KCNK2: variants seen among roughly 807,000 people sequenced by gnomAD.
KCNK2 encodes potassium two pore domain channel subfamily K member 2.
A neutral mutation model predicts 40.5 loss-of-function variants in KCNK2; 21 were observed. That is an observed-to-expected ratio of 0.52 (90% confidence interval 0.37 to 0.75). The LOEUF (loss-of-function observed/expected upper bound fraction) is 0.75, where lower values mean the gene tolerates loss of function less well. Among genes scored for constraint, KCNK2 ranks in the 30% least tolerant of loss-of-function variants. The probability of loss-of-function intolerance (pLI) is 0.00; values close to 1 mark genes in which losing one functional copy is unlikely to be tolerated. For missense variants in KCNK2, 399 were observed against 531.6 expected, an observed-to-expected ratio of 0.75 and a Z score of 2.45; for synonymous variants, 191 against 202.2, an observed-to-expected ratio of 0.94 and a Z score of 0.47.
At chr1:215,098,511 G>A (rs1306615375) in intron 2 of KCNK2, among the ~76,000 whole-genome samples, 3 of 151,714 alleles carry the variant, frequency 2.0e-5, no homozygotes, top group African/African-American at 4.8e-5. Context: ...ATTAAACGTC[G>A]AATATATTTC....
At chr1:215,231,588 C>A (rs1448445184) in intron 6 of KCNK2, among the ~76,000 whole-genome samples, 1 of 152,128 alleles carries the variant, frequency 6.6e-6, no homozygotes, top group Non-Finnish European at 1.5e-5. Context: ...CTAAGACACA[C>A]AATGAATATG....
intron 1 of KCNK2, among the ~76,000 whole-genome samples, chr1:215,071,331 A>G (rs1053186403): frequency 3.9e-5 from 6 of 152,180 alleles, no homozygotes; most frequent in Admixed American, 3.9e-4. Context: ...GTTTGCAGGG[A>G]TGATAGATGA....
At chr1:215,218,754 T>C (rs1666054411) in intron 6 of KCNK2, among the ~76,000 whole-genome samples, 1 of 152,188 alleles carries the variant, frequency 6.6e-6, no homozygotes, top group African/African-American at 2.4e-5. Context: ...TCTTCAAATT[T>C]TGTAAATTAT....
chr1:215,186,082 C>A (rs1047360947), intron 5 of KCNK2, among the ~76,000 whole-genome samples: 1 of 151,946 alleles, frequency 6.6e-6, no homozygotes, highest in African/African-American at 2.4e-5. Context: ...GTGCTTGTCC[C>A]CAGGGAATGA....
chr1:215,082,817 G>C lies in KCNK2; in HGVS notation c.-569G>C, dbSNP rs1659221327. Among the ~76,000 whole-genome samples the C allele has an allele frequency of 6.6e-6, 1 of 152,040 alleles. No homozygotes were observed. The highest frequency in any genetic ancestry group is 1.5e-5 in the Non-Finnish European group (1 of 67,990). On this transcript the variant is annotated 5_prime_UTR_variant, in exon 1 of 7. Transcript: ENST00000444842. Reference sequence around the variant, plus strand: ...CTGCAGAGCTGCGGGCGCCCGGACCGTGCCACACACCCCCCGCGGGGCACG... The same window carrying C: ...CTGCAGAGCTGCGGGCGCCCGGACCCTGCCACACACCCCCCGCGGGGCACG...
intron 6 of KCNK2, among the ~76,000 whole-genome samples, chr1:215,222,105 C>A (rs759872144): frequency 6.6e-6 from 1 of 152,078 alleles, no homozygotes; most frequent in Non-Finnish European, 1.5e-5. Context: ...AACCCAATAC[C>A]GTGTAAACAG....
chr1:215,169,699 C>T (rs1663612178), intron 4 of KCNK2, among the ~76,000 whole-genome samples: 1 of 150,852 alleles, frequency 6.6e-6, no homozygotes, highest in Non-Finnish European at 1.5e-5. Context: ...TGCAATGGTA[C>T]AATGGGTGCA....
chr1:215,047,855 C>T (rs567264733), intron 1 of KCNK2, among the ~76,000 whole-genome samples: 18 of 152,180 alleles, frequency 1.2e-4, no homozygotes, highest in African/African-American at 3.4e-4. Context: ...CTGTGAATAG[C>T]GGTTAGATCT....
intron 5 of KCNK2, among the ~76,000 whole-genome samples, chr1:215,179,518 T>C (rs1338264855): frequency 6.6e-6 from 1 of 152,114 alleles, no homozygotes; most frequent in Non-Finnish European, 1.5e-5. Flanking sequence ...CAATATAAAC[T>C]TCTCTCTTAA....
intron 5 of KCNK2, among the ~76,000 whole-genome samples, chr1:215,184,615 G>C (rs1664355115): frequency 6.6e-6 from 1 of 152,254 alleles, no homozygotes; most frequent in East Asian, 1.9e-4. Context: ...TCTTCACATA[G>C]TGACAGGGAG....
chr1:215,175,493 A>C (rs980478671), intron 5 of KCNK2, among the ~76,000 whole-genome samples: 1 of 149,234 alleles, frequency 6.7e-6, no homozygotes, highest in African/African-American at 2.4e-5. Flanking sequence ...TTTTTTTCTT[A>C]AATAATTTCA....
intron 1 of KCNK2, among the ~76,000 whole-genome samples, chr1:215,020,138 T>G (rs545778022): frequency 5.4e-4 from 82 of 152,330 alleles, no homozygotes; most frequent in Non-Finnish European, 8.4e-4. Flanking sequence ...TAGGTTCCTT[T>G]CAGAGGTGTG....
At chr1:215,013,264 T>C (rs1170003302) in intron 1 of KCNK2, among the ~76,000 whole-genome samples, 1 of 152,186 alleles carries the variant, frequency 6.6e-6, no homozygotes, top group African/African-American at 2.4e-5. Context: ...TCAAATTGCC[T>C]TTGCACTTGT....
At chr1:215,141,793 T>G (rs1662184336) in intron 3 of KCNK2, among the ~76,000 whole-genome samples, 1 of 152,118 alleles carries the variant, frequency 6.6e-6, no homozygotes, top group Non-Finnish European at 1.5e-5. Context: ...TCCAACTAAC[T>G]GCTGTTTTCA....
At chr1:215,226,621 G>A (rs1395685655) in intron 6 of KCNK2, among the ~76,000 whole-genome samples, 1 of 152,068 alleles carries the variant, frequency 6.6e-6, no homozygotes, top group Non-Finnish European at 1.5e-5. Context: ...CACCGCGCCC[G>A]GCCAACCTTT....
intron 1 of KCNK2, among the ~76,000 whole-genome samples, chr1:215,070,874 C>G (rs11808050): frequency 0.016 from 2,487 of 152,124 alleles, 69 homozygotes; most frequent in African/African-American, 0.057. Context: ...CAATTACGAT[C>G]AAATGTATCA....
At chr1:215,072,786 C>T (rs4655271) in intron 1 of KCNK2, among the ~76,000 whole-genome samples, 63,668 of 151,690 alleles carry the variant, frequency 0.42, 15,385 homozygotes, top group East Asian at 0.54. Context: ...ACATGTAAAA[C>T]ATTGTGCTGA....
At chr1:215,040,087 A>C (rs1358112357) in intron 1 of KCNK2, among the ~76,000 whole-genome samples, 4 of 152,110 alleles carry the variant, frequency 2.6e-5, no homozygotes, top group Admixed American at 1.3e-4. Flanking sequence ...TCCCGTGCTA[A>C]GTACTTTACA....
chr1:215,018,986 C>G (rs1656690053), intron 1 of KCNK2, among the ~76,000 whole-genome samples: 1 of 77,698 alleles, frequency 1.3e-5, no homozygotes, highest in Non-Finnish European at 2.8e-5. Context: ...TCTCTCAACA[C>G]ACACACACAC....
Sources: allele counts gnomAD v4.1 joint callset (sites outside exome capture counted in the v4.1 genomes callset), GRCh38; gene constraint gnomAD v4.1.1; transcripts MANE v1.5; gene names NCBI Gene and HGNC (gene_info 2026-07-23, HGNC 2026-07-21).